RERG: variants seen among roughly 807,000 people sequenced by gnomAD.
The protein encoded by RERG is ras-related and estrogen-regulated growth inhibitor.
A neutral mutation model predicts 23.2 loss-of-function variants in RERG; 25 were observed. The observed-to-expected ratio is 1.08, with a 90% CI of 0.79 to 1.50. The LOEUF is 1.50. RERG is among the 40% of genes most tolerant of loss of function. The pLI is 0.00. For missense variants in RERG, 253 were observed against 250.1 expected (o/e 1.01, Z -0.08); for synonymous variants, 81 against 89.1 (o/e 0.91, Z 0.51).
chr12:15,170,536 A>G (rs1206679520), intron 2 of RERG, among the ~76,000 whole-genome samples: 3 of 152,236 alleles, frequency 2.0e-5, no homozygotes, highest in African/African-American at 7.2e-5. Context: ...ACAAACATGC[A>G]GAGGCCAGTG....
intron 2 of RERG, among the ~76,000 whole-genome samples, chr12:15,157,528 C>T (rs992521088): frequency 1.3e-5 from 2 of 152,172 alleles, no homozygotes; most frequent in African/African-American, 4.8e-5. Context: ...TGCTTCCTGT[C>T]CCCTAAAGTG....
At chr12:15,187,736 T>TAACA in intron 2 of RERG, among the ~76,000 whole-genome samples, 1 of 152,092 alleles carries the variant, frequency 6.6e-6, no homozygotes, top group South Asian at 2.1e-4. Context: ...TTTTTGTACT[T>TAACA]TAAGTAGAGA....
chr12:15,171,647 A>C (rs968713155), intron 2 of RERG, among the ~76,000 whole-genome samples: 8 of 152,174 alleles, frequency 5.3e-5, no homozygotes. Flanking sequence ...TCATGTTGTT[A>C]ATGAATTATT....
At chr12:15,126,128 C>CATATACCATATATATATAT (rs1863933884) in intron 2 of RERG, among the ~76,000 whole-genome samples, 1 of 89,094 alleles carries the variant, frequency 1.1e-5, no homozygotes, top group African/African-American at 4.6e-5. Flanking sequence ...TTGTATATAC[C>CATATACCATATATATATAT]ATATATATAT....
chr12:15,178,472 T>C (rs1864882129), intron 2 of RERG, among the ~76,000 whole-genome samples: 2 of 152,218 alleles, frequency 1.3e-5, no homozygotes, highest in African/African-American at 4.8e-5. Flanking sequence ...CCATTTGGTT[T>C]TCTTCCTTAA....
intron 2 of RERG, among the ~76,000 whole-genome samples, chr12:15,146,264 T>C (rs909011771): frequency 1.3e-5 from 2 of 152,214 alleles, no homozygotes; most frequent in African/African-American, 4.8e-5. Context: ...CCAGGCTCCT[T>C]ATCTTATGGT....
chr12:15,214,354 C>T (rs1291987528), intron 2 of RERG, among the ~76,000 whole-genome samples: 2 of 152,130 alleles, frequency 1.3e-5, no homozygotes, highest in African/African-American at 2.4e-5. Context: ...AGCTCACACT[C>T]TTTAACTCCA....
At chr12:15,210,761 A>G (rs1034427882) in intron 2 of RERG, among the ~76,000 whole-genome samples, 1 of 152,168 alleles carries the variant, frequency 6.6e-6, no homozygotes, top group African/African-American at 2.4e-5. Context: ...GGTAGAAAAA[A>G]CAAATTACAA....
At chr12:15,118,668 A>G (rs554907907) in intron 3 of RERG, among the ~76,000 whole-genome samples, 2 of 150,724 alleles carry the variant, frequency 1.3e-5, no homozygotes, top group South Asian at 4.2e-4. Context: ...CACAATAGTG[A>G]GTTCTAGTGG....
chr12:15,115,771 G>A (rs556600927), intron 3 of RERG, among the ~76,000 whole-genome samples: 4 of 151,900 alleles, frequency 2.6e-5, no homozygotes, highest in East Asian at 1.9e-4. Flanking sequence ...TTTTTTGACC[G>A]CTGTTTTCTG....
At chr12:15,114,846 T>C (rs143402075) in intron 3 of RERG, 1 of 152,332 alleles carries the variant, frequency 6.6e-6, no homozygotes, top group East Asian at 1.9e-4. Flanking sequence ...CCCAGACCTA[T>C]GGGCAATCTG....
chr12:15,143,963 G>A (rs1229025508), intron 2 of RERG, among the ~76,000 whole-genome samples: 2 of 152,078 alleles, frequency 1.3e-5, no homozygotes, highest in Non-Finnish European at 2.9e-5. Context: ...AGGTTCTGAG[G>A]CAGGCATGCA....
chr12:15,210,853 G>A (rs2136147338), intron 2 of RERG, among the ~76,000 whole-genome samples: 1 of 152,234 alleles, frequency 6.6e-6, no homozygotes, highest in South Asian at 2.1e-4. Flanking sequence ...AAAGCCACAG[G>A]TAACCAGAGC....
intron 2 of RERG, among the ~76,000 whole-genome samples, chr12:15,127,225 T>G (rs1190889455): frequency 6.6e-6 from 1 of 152,236 alleles, no homozygotes; most frequent in Non-Finnish European, 1.5e-5. Context: ...AGTCAGAGAT[T>G]AAGCCTTGTT....
intron 2 of RERG, among the ~76,000 whole-genome samples, chr12:15,136,587 A>G (rs1232099905): frequency 1.3e-5 from 2 of 151,978 alleles, no homozygotes; most frequent in Admixed American, 6.6e-5. Context: ...ACAAATTTTG[A>G]TAAGTTGTAT....
intron 2 of RERG, among the ~76,000 whole-genome samples, chr12:15,208,088 C>T (rs1185627803): frequency 6.6e-6 from 1 of 152,068 alleles, no homozygotes; most frequent in African/African-American, 2.4e-5. Context: ...AATTCTTGGA[C>T]GGCCTTAAGT....
intron 2 of RERG, among the ~76,000 whole-genome samples, chr12:15,136,081 T>C (rs552047656): frequency 6.6e-6 from 1 of 152,226 alleles, no homozygotes; most frequent in Admixed American, 6.5e-5. Flanking sequence ...TTAATAGGTA[T>C]ATGCCTGTTC....
At chr12:15,146,282 A>T (rs1339509068) in intron 2 of RERG, among the ~76,000 whole-genome samples, 1 of 152,222 alleles carries the variant, frequency 6.6e-6, no homozygotes, top group South Asian at 2.1e-4. Context: ...GGTAAACATG[A>T]TATGTATTTT....
At chr12:15,143,837 AAAG>A (rs1258975363) in intron 2 of RERG, among the ~76,000 whole-genome samples, 2 of 152,214 alleles carry the variant, frequency 1.3e-5, no homozygotes, top group Non-Finnish European at 2.9e-5. Flanking sequence ...GAAGGTGACC[AAAG>A]AAGGTTTCAC....
Sources: gnomAD v4.1 joint callset for allele counts (sites outside exome capture counted in the v4.1 genomes callset) on GRCh38, gnomAD v4.1.1 for gene constraint, MANE v1.5 for transcripts, NCBI Gene and HGNC (gene_info 2026-07-23, HGNC 2026-07-21) for gene names.